Variants in FAM177B observed in about 807,000 individuals in gnomAD.
The protein encoded by FAM177B is protein FAM177B.
FAM177B carries 16 observed loss-of-function variants against 16.1 expected under a neutral mutation model. The ratio of observed to expected loss-of-function variants is 0.99; its 90% confidence interval spans 0.67 to 1.51. The LOEUF (loss-of-function observed/expected upper bound fraction) is 1.51, where lower values mean the gene tolerates loss of function less well. FAM177B is among the 40% of genes most tolerant of loss of function. FAM177B has a pLI of 0.00. For synonymous variants in FAM177B, 56 were observed against 59.9 expected, an observed-to-expected ratio of 0.93 and a Z score of 0.30; for missense variants, 178 against 183.7, an observed-to-expected ratio of 0.97 and a Z score of 0.18.
Position 222,750,697 on chromosome 1 carries a change from G to A in FAM177B, c.*639G>A, listed in dbSNP as rs977786025. 7.0e-5 allele frequency: 36 copies of A among 514,050 alleles called. No individual in the cohort carries two copies. The highest frequency in any genetic ancestry group is 6.8e-4 in the South Asian group (8 of 11,712). 31.8% of individuals were successfully genotyped at this position (514,050 alleles called of 1,614,324 possible). On this transcript the variant is annotated 3_prime_UTR_variant, in exon 6 of 6. Transcript: ENST00000445590. ...TAATGGATTATTTTCTTATTTATTTGTCAAGAAATTTTCAAAACCTGGAAA... is the reference window on the plus strand; with the variant it reads ...TAATGGATTATTTTCTTATTTATTTATCAAGAAATTTTCAAAACCTGGAAA...
chr1:222,749,293 T>C, intron 4 of FAM177B, 172 bp from the exon 5 acceptor site: 1 of 554,260 alleles, frequency 1.8e-6, no homozygotes, highest in Non-Finnish European at 3.2e-6. Flanking sequence ...CTTTGAATCC[T>C]AGAATTTTTG....
At chr1:222,745,676 C>T (rs746943472) in intron 2 of FAM177B, among the ~76,000 whole-genome samples, 6 of 152,058 alleles carry the variant, frequency 3.9e-5, no homozygotes, top group African/African-American at 1.4e-4. Context: ...AATCCCAGCA[C>T]TTTGGAAGGC....
intron 2 of FAM177B, 129 bp from the exon 3 acceptor site, chr1:222,746,402 T>G (rs2125063926): frequency 6.0e-6 from 3 of 500,646 alleles, no homozygotes; most frequent in East Asian, 3.0e-5. Flanking sequence ...TTTTTTGGAT[T>G]TGAGGAATCG....
intron 4 of FAM177B, chr1:222,749,129 A>G (rs1572013148): frequency 2.2e-6 from 1 of 463,886 alleles, no homozygotes; most frequent in Non-Finnish European, 4.4e-6. Context: ...TTTAGCCGGT[A>G]TGCATGGGGA....
chr1:222,747,749 A>G (rs1162600903), intron 4 of FAM177B, among the ~76,000 whole-genome samples: 1 of 152,224 alleles, frequency 6.6e-6, no homozygotes, highest in Non-Finnish European at 1.5e-5. Flanking sequence ...GCTCTTAGAA[A>G]TTGATCTTCA....
At chr1:222,739,352 TC>T (rs1658424718) in intron 2 of FAM177B, among the ~76,000 whole-genome samples, 1 of 152,202 alleles carries the variant, frequency 6.6e-6, no homozygotes, top group Non-Finnish European at 1.5e-5. Context: ...ATACACCAAA[TC>T]CCTAAATCAC....
rs1659015201 is a variant in FAM177B at position 222,750,732 on chromosome 1, T to C, written c.*674T>C. 1 of 315,362 alleles carries C rather than the reference T, an allele frequency of 3.2e-6. No homozygotes were observed. Among genetic ancestry groups the C allele is most frequent in the South Asian group, 1.3e-4 (1 of 7,990 alleles). The allele number at this position is 315,362 out of a possible 1,614,324, so 19.5% of individuals were successfully genotyped here. ...TTTCAAAACCTGGAAAGATCGAACA[T>C]GGAAATCATTGTTAGATAACACAGG... On this transcript the variant is annotated 3_prime_UTR_variant, in exon 6 of 6. Coordinates refer to ENST00000445590, the MANE Select transcript of FAM177B (RefSeq NM_001394345.1).
intron 2 of FAM177B, 38 bp from the exon 3 acceptor site, chr1:222,746,493 G>A: frequency 2.5e-6 from 3 of 1,215,216 alleles, no homozygotes; most frequent in Non-Finnish European, 3.5e-6. Flanking sequence ...TCAGCTCTGG[G>A]TAACTTGCCC....
intron 2 of FAM177B, among the ~76,000 whole-genome samples, chr1:222,744,489 A>T (rs1016692241): frequency 2.0e-5 from 3 of 149,916 alleles, no homozygotes; most frequent in Non-Finnish European, 4.4e-5. Context: ...AAAAAAAAAA[A>T]GGCAAAAATA....
At position 222,750,650 on chromosome 1, in the gene FAM177B, T is replaced by C; in HGVS notation, c.*592T>C. 2 of 644,380 alleles carry C rather than the reference T, an allele frequency of 3.1e-6. No homozygotes were observed. Among genetic ancestry groups the C allele is most frequent in the South Asian group, 1.4e-4 (2 of 14,296 alleles). 39.9% of individuals were successfully genotyped at this position (644,380 alleles called of 1,614,324 possible). A position where few individuals can be genotyped will look rare whatever the true frequency, so the allele number is the denominator to read the frequency against. Reference sequence around the variant, plus strand: ...CCAAATTAAAACAATTGATAAATAATATAAGCTCTAGAAAAAAATATTAAT... The same window carrying C: ...CCAAATTAAAACAATTGATAAATAACATAAGCTCTAGAAAAAAATATTAAT... On this transcript the variant is annotated 3_prime_UTR_variant, in exon 6 of 6. Coordinates refer to ENST00000445590, the MANE Select transcript of FAM177B (RefSeq NM_001394345.1).
chr1:222,749,145 A>T (rs1572013173), intron 4 of FAM177B: 2 of 459,980 alleles, frequency 4.3e-6, no homozygotes, highest in Non-Finnish European at 4.4e-6. Flanking sequence ...GGGGATAATG[A>T]ACAATACCTG....
chr1:222,750,155 C>T lies in FAM177B; in HGVS notation c.*97C>T. ...GATCTGTTCCTTGGCCATTGATTAC[C>T]ATGGCAACAACACCAGAGGTAGCAC... On this transcript the variant is annotated 3_prime_UTR_variant, in exon 6 of 6. Coordinates refer to ENST00000445590, the MANE Select transcript of FAM177B (RefSeq NM_001394345.1). The T allele has an allele frequency of 6.5e-7, 1 of 1,533,294 alleles. No homozygotes were observed. The highest frequency in any genetic ancestry group is 8.7e-7 in the Non-Finnish European group (1 of 1,145,770). 95.0% of individuals were successfully genotyped at this position (1,533,294 alleles called of 1,614,324 possible).
Position 222,747,051 on chromosome 1 carries a change from G to C in FAM177B, c.211G>C (p.Ala71Pro), listed in dbSNP as rs139039630. 1.5e-5 allele frequency: 24 copies of C among 1,611,918 alleles called. No homozygotes were observed. In the African/African-American group the frequency reaches 3.2e-4, roughly 22 times the overall value. ...CTGGGGGCCCTACCTACGATTTTGG[G>C]CAGGACGAATAGCAAGCACCTCATT... ...LSWGPYLRFWAGRIASTSFST... is the reference protein window; with the variant it reads ...LSWGPYLRFWPGRIASTSFST... Residue 71 changes from alanine (A) to proline (P), a missense_variant, in exon 4 of 6, where the codon GCA becomes CCA. Physicochemically the swap from Ala to Pro is conservative, Grantham distance 27 (BLOSUM62 -1). Coordinates refer to ENST00000445590, the MANE Select transcript of FAM177B (RefSeq NM_001394345.1).
chr1:222,741,903 TCC>T (rs1306382046), intron 2 of FAM177B, among the ~76,000 whole-genome samples: 32 of 35,536 alleles, frequency 9.0e-4, no homozygotes, highest in African/African-American at 2.8e-3. Context: ...CCTCCCTCCC[TCC>T]CTCTCTCTCT....
chr1:222,748,941 C>A, intron 4 of FAM177B: 1 of 457,080 alleles, frequency 2.2e-6, no homozygotes, highest in South Asian at 1.6e-5. Flanking sequence ...TGCCTTTATC[C>A]CTGACTCTAA....
intron 2 of FAM177B, among the ~76,000 whole-genome samples, chr1:222,746,003 G>A (rs942561373): frequency 9.9e-5 from 15 of 152,178 alleles, no homozygotes; most frequent in African/African-American, 3.4e-4. Context: ...AATGACTAAT[G>A]ACATTCGTCA....
intron 2 of FAM177B, among the ~76,000 whole-genome samples, chr1:222,742,800 C>T (rs546868891): frequency 2.6e-4 from 28 of 109,326 alleles, no homozygotes; most frequent in Non-Finnish European, 4.5e-4. Context: ...TACGACTATG[C>T]GACGATATTT....
At chr1:222,743,674 A>G (rs1397572848) in intron 2 of FAM177B, among the ~76,000 whole-genome samples, 1 of 152,086 alleles carries the variant, frequency 6.6e-6, no homozygotes, top group African/African-American at 2.4e-5. Flanking sequence ...TTAGGTGACT[A>G]TTTCTACCCT....
At chr1:222,744,269 G>A (rs1357936043) in intron 2 of FAM177B, among the ~76,000 whole-genome samples, 4 of 152,032 alleles carry the variant, frequency 2.6e-5, no homozygotes, top group African/African-American at 9.7e-5. Flanking sequence ...TCAGGAGTTC[G>A]AGATCAGCCT....
Sources: gnomAD v4.1 joint callset for allele counts (sites outside exome capture counted in the v4.1 genomes callset) on GRCh38, gnomAD v4.1.1 for gene constraint, MANE v1.5 for transcripts, NCBI Gene and HGNC (gene_info 2026-07-23, HGNC 2026-07-21) for gene names.